The following ARHGEF3 variants were observed in gnomAD, a reference collection of about 807,000 sequenced individuals.
ARHGEF3 encodes 59.8 kDA protein.
In ARHGEF3, 28 loss-of-function variants were observed where a neutral mutation model predicts 63.2. The observed-to-expected ratio is 0.44, with a 90% CI of 0.33 to 0.61. ARHGEF3 has a LOEUF of 0.61. Among genes scored for constraint, ARHGEF3 ranks in the 20% least tolerant of loss-of-function variants. ARHGEF3 has a pLI of 0.03. For synonymous variants in ARHGEF3, 266 were observed against 254.2 expected, an observed-to-expected ratio of 1.05 and a Z score of -0.44; for missense variants, 533 against 659.3, an observed-to-expected ratio of 0.81 and a Z score of 2.10.
intron 3 of ARHGEF3, among the ~76,000 whole-genome samples, chr3:56,934,145 AAT>A (rs1247863991): frequency 6.6e-6 from 1 of 152,248 alleles, no homozygotes; most frequent in African/African-American, 2.4e-5. Context: ...AAAATGGACT[AAT>A]ACATGGATAT....
intron 3 of ARHGEF3, among the ~76,000 whole-genome samples, chr3:56,885,547 G>A (rs1474089719): frequency 6.6e-6 from 1 of 151,938 alleles, no homozygotes; most frequent in Non-Finnish European, 1.5e-5. Context: ...GCACATTGAT[G>A]CAGGAAAGTG....
intron 2 of ARHGEF3, among the ~76,000 whole-genome samples, chr3:57,006,495 G>GAAAAAC (rs1384716802): frequency 2.0e-5 from 3 of 152,134 alleles, no homozygotes; most frequent in Non-Finnish European, 4.4e-5. Context: ...AAGCCGTTAG[G>GAAAAAC]AAAACAGCTC....
chr3:56,857,145 G>A (rs1341730863), intron 4 of ARHGEF3, among the ~76,000 whole-genome samples: 1 of 152,046 alleles, frequency 6.6e-6, no homozygotes, highest in African/African-American at 2.4e-5. Context: ...CCCATCAGAA[G>A]CTATTCTAAG....
At chr3:56,775,339 G>C (rs2036235755) in intron 1 of ARHGEF3, 4 of 1,153,194 alleles carry the variant, frequency 3.5e-6, no homozygotes, top group Admixed American at 4.7e-5. Context: ...CTTTGAAATA[G>C]ACTGTCTCCA....
chr3:56,903,758 AT>A (rs547193380), intron 3 of ARHGEF3, among the ~76,000 whole-genome samples: 3,505 of 150,754 alleles, frequency 0.023, 144 homozygotes, highest in African/African-American at 0.079. Context: ...TGGTTCCTGA[AT>A]TTTTTTTTTA....
intron 7 of ARHGEF3, among the ~76,000 whole-genome samples, chr3:56,738,417 C>A (rs2033789397): frequency 6.6e-6 from 1 of 151,998 alleles, no homozygotes; most frequent in African/African-American, 2.4e-5. Flanking sequence ...AGTGATCCAC[C>A]CACCTCTGCC....
At position 56,773,792 on chromosome 3, in the gene ARHGEF3, G is replaced by T. The variant is rs558978343; in HGVS notation, c.121C>A (p.Pro41Thr). Residue 41 changes from proline (P) to threonine (T), a missense_variant, in exon 2 of 10, where the codon CCC becomes ACC. Physicochemically the swap from Pro to Thr is conservative, Grantham distance 38. Transcript: ENST00000296315. Reference sequence around the variant, plus strand: ...GCTAGCGACGTGACTCGGGAAAGGGGTTTGACCCGTTTATTACTAGGCTCC... The same window carrying T: ...GCTAGCGACGTGACTCGGGAAAGGGTTTTGACCCGTTTATTACTAGGCTCC... ...AEEPSNKRVK[P>T]LSRVTSLANL... 6.2e-7 allele frequency: 1 copy of T among 1,600,954 alleles called. No homozygotes were observed. The highest frequency in any genetic ancestry group is 2.2e-5 in the East Asian group (1 of 44,584).
At chr3:57,000,730 G>A (rs1349038319) in intron 2 of ARHGEF3, among the ~76,000 whole-genome samples, 6 of 151,800 alleles carry the variant, frequency 4.0e-5, no homozygotes, top group East Asian at 3.9e-4. Context: ...ATGGGGTTTC[G>A]CCATGTTGGC....
At chr3:56,972,733 C>G (rs1049275260) in intron 2 of ARHGEF3, among the ~76,000 whole-genome samples, 1 of 152,004 alleles carries the variant, frequency 6.6e-6, no homozygotes, top group Non-Finnish European at 1.5e-5. Flanking sequence ...ACAGAAGGAG[C>G]TGAAACCAGA....
intron 3 of ARHGEF3, among the ~76,000 whole-genome samples, chr3:56,884,835 T>C (rs1311407659): frequency 6.6e-6 from 1 of 152,204 alleles, no homozygotes; most frequent in Non-Finnish European, 1.5e-5. Flanking sequence ...ATTTATATGG[T>C]GACTTTTTGA....
At chr3:56,890,623 G>A (rs1424482497) in intron 3 of ARHGEF3, among the ~76,000 whole-genome samples, 2 of 152,240 alleles carry the variant, frequency 1.3e-5, no homozygotes, top group East Asian at 3.9e-4. Flanking sequence ...AACTACCCAG[G>A]TCCCAGAGGA....
chr3:57,051,855 T>C (rs1310668232), intron 1 of ARHGEF3, among the ~76,000 whole-genome samples: 1 of 152,034 alleles, frequency 6.6e-6, no homozygotes, highest in Non-Finnish European at 1.5e-5. Context: ...TCCCAGCTAC[T>C]TGGGAGGCTG....
chr3:56,864,337 T>A (rs1282505198), intron 4 of ARHGEF3, among the ~76,000 whole-genome samples: 1 of 152,218 alleles, frequency 6.6e-6, no homozygotes, highest in African/African-American at 2.4e-5. Context: ...CACAGGGCCC[T>A]TGCACATGCT....
intron 9 of ARHGEF3, chr3:56,731,722 C>T (rs950973349): frequency 1.6e-4 from 27 of 166,856 alleles, no homozygotes; most frequent in Non-Finnish European, 2.2e-4. Context: ...GTTAGATACT[C>T]GATAGATATT....
intron 9 of ARHGEF3, among the ~76,000 whole-genome samples, chr3:56,730,125 A>T (rs1335721863): frequency 6.6e-6 from 1 of 152,228 alleles, no homozygotes; most frequent in African/African-American, 2.4e-5. Flanking sequence ...AGAAGATCTA[A>T]AAGTCGTTTC....
chr3:56,831,462 GT>G (rs1339367551), intron 4 of ARHGEF3, among the ~76,000 whole-genome samples: 4 of 152,192 alleles, frequency 2.6e-5, no homozygotes, highest in Non-Finnish European at 5.9e-5. Flanking sequence ...AATTCTAATT[GT>G]TTTAGGTTTT....
chr3:56,791,747 C>A (rs1471914422), intron 1 of ARHGEF3, among the ~76,000 whole-genome samples: 2 of 151,930 alleles, frequency 1.3e-5, no homozygotes, highest in African/African-American at 4.8e-5. Flanking sequence ...CTCCTAATTT[C>A]TCTGAATCTC....
intron 3 of ARHGEF3, among the ~76,000 whole-genome samples, chr3:56,948,232 A>G (rs1265918736): frequency 1.3e-5 from 2 of 152,224 alleles, no homozygotes; most frequent in Admixed American, 6.5e-5. Flanking sequence ...GAGAAGCAAG[A>G]GCAAACACAT....
At chr3:56,962,813 C>T (rs1700338190) in intron 2 of ARHGEF3, among the ~76,000 whole-genome samples, 1 of 152,156 alleles carries the variant, frequency 6.6e-6, no homozygotes. Flanking sequence ...ATCTCAAATT[C>T]AAGTGTATGT....
Sources: allele counts gnomAD v4.1 joint callset (sites outside exome capture counted in the v4.1 genomes callset), GRCh38; gene constraint gnomAD v4.1.1; transcripts MANE v1.5; gene names NCBI Gene and HGNC (gene_info 2026-07-23, HGNC 2026-07-21).